TEDC1: variants seen among roughly 807,000 people sequenced by gnomAD.
The protein encoded by TEDC1 is tubulin epsilon and delta complex protein 1.
A neutral mutation model predicts 59.9 loss-of-function variants in TEDC1; 54 were observed. The observed-to-expected ratio is 0.90, with a 90% CI of 0.72 to 1.13. TEDC1 has a LOEUF of 1.13. TEDC1 is among the 50% of genes most tolerant of loss of function. The pLI is 0.00. For synonymous variants in TEDC1, 353 were observed against 298.1 expected, an observed-to-expected ratio of 1.18 and a Z score of -1.90; for missense variants, 734 against 683.4, an observed-to-expected ratio of 1.07 and a Z score of -0.83.
In TEDC1 at chr14:105,495,942, C is replaced by G; in HGVS notation, c.747C>G (p.Phe249Leu). 1 of 1,550,314 alleles carries G rather than the reference C, an allele frequency of 6.5e-7. No homozygotes were observed. The highest frequency in any genetic ancestry group is 8.7e-7 in the Non-Finnish European group (1 of 1,146,950). The part of the protein sequence containing the change: ...DLAYPKCLHS[F>L]CTPGMGPRTF... Reference sequence around the variant, plus strand: ...CCTACCCAAAGTGCCTGCACTCCTTCTGCACTCCTGGGATGGGTCCCAGAA... The same window carrying G: ...CCTACCCAAAGTGCCTGCACTCCTTGTGCACTCCTGGGATGGGTCCCAGAA... Residue 249 changes from phenylalanine (F) to leucine (L), a missense_variant, in exon 6 of 9, where the codon TTC becomes TTG. Coordinates refer to ENST00000392523, the MANE Select transcript of TEDC1 (RefSeq NM_001367178.1).
In TEDC1 at chr14:105,498,739, C is replaced by T; in HGVS notation, c.1281C>T (p.Pro427=). The T allele has an allele frequency of 6.4e-7, 1 of 1,558,226 alleles. No homozygotes were observed. Among genetic ancestry groups the T allele is most frequent in the Non-Finnish European group, 8.7e-7 (1 of 1,151,470 alleles). Residue 427 remains proline, a synonymous_variant, in exon 9 of 9, where the codon CCC becomes CCT. Transcript: ENST00000392523. ...CWERDGGPAQ[P]HGPHRLVRRE... is the part of the protein sequence containing the mutation. ...AGCGAGACGGTGGCCCGGCCCAGCC[C>T]CATGGGCCACACCGGCTGGTGAGAC... is the stretch of plus-strand genomic sequence containing the variant.
Position 105,498,700 on chromosome 14 carries a change from A to G in TEDC1, c.1242A>G (p.Leu414=), listed in dbSNP as rs1567077280. The change falls in exon 9 of 9, where the codon CTA becomes CTG. Residue 414 remains leucine (L), a synonymous_variant. Transcript: ENST00000392523. ...REAVEKELGA[L]QQCWERDGGP... ...CTGTGGAAAAGGAGCTGGGAGCTCTACAGCAGTGCTGGGAGCGAGACGGTG... is the reference window on the plus strand; with the variant it reads ...CTGTGGAAAAGGAGCTGGGAGCTCTGCAGCAGTGCTGGGAGCGAGACGGTG... The G allele has an allele frequency of 3.2e-6, 5 of 1,553,730 alleles. No homozygotes were observed. Among genetic ancestry groups the G allele is most frequent in the South Asian group, 1.2e-5 (1 of 84,280 alleles).
Position 105,499,003 on chromosome 14 carries a change from C to G in TEDC1, c.*57C>G. On this transcript the variant is annotated 3_prime_UTR_variant, in exon 9 of 9. Coordinates refer to ENST00000392523, the MANE Select transcript of TEDC1 (RefSeq NM_001367178.1). ...CTGCCCTGGCCCAGCCTGGCTGGGT[C>G]TTGGAGGAGCAGATTCCAAGGCCAG... 1 of 1,502,474 alleles carries G rather than the reference C, an allele frequency of 6.7e-7. No homozygotes were observed. The highest frequency in any genetic ancestry group is 2.4e-5 in the East Asian group (1 of 42,024). 93.1% of individuals were successfully genotyped at this position (1,502,474 alleles called of 1,614,324 possible). A position where few individuals can be genotyped will look rare whatever the true frequency, so the allele number is the denominator to read the frequency against.
At position 105,491,748 on chromosome 14, in the gene TEDC1, T is replaced by C. The variant is rs587627741; in HGVS notation, c.226+48T>C. On this transcript the variant is annotated intron_variant, in intron 2 of 8. Transcript: ENST00000392523. ...CCCACCCGGTAGCACTGGCCCCGCC[T>C]ACTCCTGTAAAGCCCCGCCTTCCCC... 588 of 1,483,478 alleles carry C rather than the reference T, an allele frequency of 4.0e-4. 2 individuals carry two copies. In the South Asian group the frequency reaches 5.4e-3, roughly 14 times the overall value. 91.9% of individuals were successfully genotyped at this position (1,483,478 alleles called of 1,614,324 possible).
At chr14:105,491,046 A>T (rs1595468138), upstream of TEDC1, 2 of 1,551,062 alleles carry the variant, frequency 1.3e-6, no homozygotes, top group Admixed American at 3.9e-5. Context: ...CTCCAGGGGA[A>T]CCGTTCATTG....
In TEDC1 at chr14:105,495,969, C is replaced by T. The variant is rs2084335659; in HGVS notation, c.774C>T (p.Thr258=). 6.5e-7 allele frequency: 1 copy of T among 1,550,340 alleles called. No individual in the cohort carries two copies. Among genetic ancestry groups the T allele is most frequent in the Middle Eastern group, 1.7e-4 (1 of 5,990 alleles). The change falls in exon 6 of 9, where the codon ACC becomes ACT. Residue 258 remains threonine (T), a synonymous_variant. Transcript: ENST00000392523. The part of the protein sequence containing the change: ...SFCTPGMGPR[T]FWNDLWLVCE... ...GCACTCCTGGGATGGGTCCCAGAACCTTCTGGAATGATCTGTGGCTGGTAT... is the reference window on the plus strand; with the variant it reads ...GCACTCCTGGGATGGGTCCCAGAACTTTCTGGAATGATCTGTGGCTGGTAT...
At position 105,497,446 on chromosome 14, in the gene TEDC1, G is replaced by A; in HGVS notation, c.978+3G>A. The A allele has an allele frequency of 6.5e-7, 1 of 1,545,198 alleles. No homozygotes were observed. Among genetic ancestry groups the A allele is most frequent in the Non-Finnish European group, 8.7e-7 (1 of 1,147,492 alleles). On this transcript the variant is annotated splice_donor_region_variant and intron_variant, in intron 7 of 8. Transcript: ENST00000392523. ...AGCTGGTCTTCTGGCGGTGGATGGT[G>A]AGGAAGCCCGCGCATCCCTCTCCCG...
chr14:105,494,466 G>A lies in TEDC1; in HGVS notation c.684+533G>A, dbSNP rs368452954. The stretch of plus-strand genomic sequence containing the variant: ...TGGAGCCAGCTCCATAGGCCCTGGA[G>A]ACTTGCAGTCCCGTTCTGCTTGCTA... On this transcript the variant is annotated intron_variant, in intron 5 of 8. Coordinates refer to ENST00000392523, the MANE Select transcript of TEDC1 (RefSeq NM_001367178.1). The A allele has an allele frequency of 1.3e-3, 221 of 164,712 alleles. 3 individuals are homozygous for A. In the East Asian group the frequency reaches 0.017, roughly 12 times the overall value. The allele number at this position is 164,712 out of a possible 1,614,324, so 10.2% of individuals were successfully genotyped here. A position where few individuals can be genotyped will look rare whatever the true frequency, so the allele number is the denominator to read the frequency against.
chr14:105,493,811 T>C (rs1555439955), intron 4 of TEDC1, 24 bp from the exon 5 acceptor site: 4 of 1,573,842 alleles, frequency 2.5e-6, no homozygotes, highest in Non-Finnish European at 3.5e-6. Context: ...CCACTCAGCC[T>C]GGGGTCTGCA....
At chr14:105,491,195 A>T, upstream of TEDC1, 3 of 1,547,544 alleles carry the variant, frequency 1.9e-6, no homozygotes, top group Middle Eastern at 1.7e-4. Context: ...CGCAGGTCCC[A>T]GCCGGCGCGG....
Position 105,498,988 on chromosome 14 carries a change from C to G in TEDC1, c.*42C>G, listed in dbSNP as rs782717944. The G allele has an allele frequency of 9.1e-6, 14 of 1,545,938 alleles. No homozygotes were observed. Among genetic ancestry groups the G allele is most frequent in the Middle Eastern group, 2.2e-4 (1 of 4,464 alleles). Reference sequence around the variant, plus strand: ...CCTCGTGTGGGAAGCCTGCCCTGGCCCAGCCTGGCTGGGTCTTGGAGGAGC... The same window carrying G: ...CCTCGTGTGGGAAGCCTGCCCTGGCGCAGCCTGGCTGGGTCTTGGAGGAGC... On this transcript the variant is annotated 3_prime_UTR_variant, in exon 9 of 9. Transcript: ENST00000392523.
chr14:105,491,837 C>G (rs2084219626), intron 2 of TEDC1, 137 bp downstream of exon 2: 1 of 1,108,468 alleles, frequency 9.0e-7, no homozygotes, highest in Admixed American at 2.2e-5. Flanking sequence ...CTCCTCAAAA[C>G]TCCGCCTTCC....
intron 3 of TEDC1, 21 bp from the exon 4 acceptor site, chr14:105,492,558 C>T (rs1555439672): frequency 2.0e-6 from 3 of 1,535,010 alleles, no homozygotes; most frequent in African/African-American, 1.4e-5. Context: ...GGAGCAGGGC[C>T]TGACCCTTGC....
chr14:105,495,836 G>T, intron 5 of TEDC1, 44 bp from the exon 6 acceptor site: 2 of 1,453,350 alleles, frequency 1.4e-6, no homozygotes, highest in Non-Finnish European at 1.9e-6. Flanking sequence ...GCTGTGTGCG[G>T]CACTGGCCAG....
rs2084198532 is a variant in TEDC1, at chr14:105,491,249, T to A, written c.-127T>A. 6 of 1,534,234 alleles carry A rather than the reference T, an allele frequency of 3.9e-6. No individual in the cohort carries two copies. Among genetic ancestry groups the A allele is most frequent in the Non-Finnish European group, 5.2e-6 (6 of 1,142,926 alleles). On this transcript the variant is annotated 5_prime_UTR_variant, in exon 1 of 9. Coordinates refer to ENST00000392523, the MANE Select transcript of TEDC1 (RefSeq NM_001367178.1). ...GGCCCGTGCCATGATTGGGCTCAGG[T>A]TCCAGCCGGAGCGGTAACTGGGCGC...
At position 105,498,654 on chromosome 14, in the gene TEDC1, C is replaced by T. The variant is rs782021817; in HGVS notation, c.1196C>T (p.Ala399Val). The part of the protein sequence containing the change: ...GCGRGPEWSA[A>V]RRASREAVEK... Reference sequence around the variant, plus strand: ...GGACGGGGGCCAGAGTGGAGTGCCGCGCGGCGGGCCTCTCGGGAGGCTGTG... The same window carrying T: ...GGACGGGGGCCAGAGTGGAGTGCCGTGCGGCGGGCCTCTCGGGAGGCTGTG... The change falls in exon 9 of 9, where the codon GCG (alanine) becomes GTG (valine). Residue 399 changes from alanine (A) to valine (V), a missense_variant. Physicochemically the swap from Ala to Val is moderately conservative, Grantham distance 64. Coordinates refer to ENST00000392523, the MANE Select transcript of TEDC1 (RefSeq NM_001367178.1). 1.1e-4 allele frequency: 166 copies of T among 1,554,082 alleles called. No individual in the cohort carries two copies. The highest frequency in any genetic ancestry group is 5.2e-4 in the Admixed American group (27 of 51,542).
chr14:105,495,329 C>T (rs929490946), intron 5 of TEDC1: 4 of 155,584 alleles, frequency 2.6e-5, no homozygotes, highest in African/African-American at 7.2e-5. Flanking sequence ...AGACTTGGCC[C>T]CTGTACCTCA....
intron 2 of TEDC1, 21 bp downstream of exon 2, chr14:105,491,721 C>T (rs2084214164): frequency 6.5e-7 from 1 of 1,543,474 alleles, no homozygotes; most frequent in Non-Finnish European, 8.7e-7. Flanking sequence ...CTCCTGGCCC[C>T]GCCCACCCGG....
In TEDC1 at chr14:105,498,786, A is replaced by T. The variant is rs587670728; in HGVS notation, c.1328A>T (p.Asp443Val). ...AGACGAGAGGATGGGGCAGCAGGGG[A>T]CCGGGACCTGCGGGCAGCTGTGGTG... ...LVRREDGAAG[D>V]RDLRAAVVIR... is the part of the protein sequence containing the mutation. The change falls in exon 9 of 9, where the codon GAC (aspartate) becomes GTC (valine). Residue 443 changes from aspartate to valine, a missense_variant. Asp to Val is a radical substitution (Grantham distance 152). Transcript: ENST00000392523. 4.9e-5 allele frequency: 77 copies of T among 1,579,046 alleles called. No individual in the cohort carries two copies. Among genetic ancestry groups the T allele is most frequent in the Non-Finnish European group, 6.2e-5 (72 of 1,163,750 alleles).
Sources: allele counts gnomAD v4.1 joint callset, GRCh38; gene constraint gnomAD v4.1.1; transcripts MANE v1.5; gene names NCBI Gene and HGNC (gene_info 2026-07-23, HGNC 2026-07-21).